Variants in USO1 observed in about 807,000 individuals in gnomAD.
USO1 encodes the protein general vesicular transport factor p115.
Under a neutral mutation model 124.5 loss-of-function variants are expected in USO1, and 57 were observed. That is an observed-to-expected ratio of 0.46 (90% CI 0.37 to 0.57). The LOEUF is 0.57. Ranked by LOEUF, USO1 falls within the 20% of genes least tolerant of loss-of-function variation. USO1 has a pLI of 0.00. For synonymous variants in USO1, 369 were observed against 362.8 expected (o/e 1.02, Z -0.19); for missense variants, 900 against 1,040.6 (o/e 0.86, Z 1.86).
At chr4:75,806,669 A>G in intron 20 of USO1, 97 bp downstream of exon 20, 1 of 1,426,200 alleles carries the variant, frequency 7.0e-7, no homozygotes. Context: ...ATATTAGCAG[A>G]TGTAAGTAAA....
chr4:75,773,638 G>A (rs184467766), intron 7 of USO1, among the ~76,000 whole-genome samples: 158 of 152,244 alleles, frequency 1.0e-3, no homozygotes, highest in African/African-American at 3.7e-3. Flanking sequence ...TTTCTCCACT[G>A]TATTTCTTCT....
intron 1 of USO1, among the ~76,000 whole-genome samples, chr4:75,725,404 A>G (rs1243710770): frequency 6.6e-6 from 1 of 152,216 alleles, no homozygotes; most frequent in African/African-American, 2.4e-5. Flanking sequence ...TCTTTGAAGG[A>G]CAAATCCACC....
Position 75,728,487 on chromosome 4 carries a change from T to TA in USO1, c.66+3607dup, listed in dbSNP as rs374742084. ...TTTTATGGTGAAACCCTGTCTCTAC[T>TA]AAAAATACAAAAATTAGCTGGGCAT... On this transcript the variant is annotated intron_variant, in intron 1 of 23. Coordinates refer to ENST00000514213, the MANE Select transcript of USO1 (RefSeq NM_003715.4). Among the ~76,000 whole-genome samples, 888 of 152,222 alleles carry TA rather than the reference T, an allele frequency of 5.8e-3. 14 individuals are homozygous for TA. Among genetic ancestry groups the TA allele is most frequent in the African/African-American group, 0.02 (842 of 41,538 alleles).
chr4:75,734,873 C>T (rs1221381007), intron 1 of USO1, among the ~76,000 whole-genome samples: 1 of 151,620 alleles, frequency 6.6e-6, no homozygotes, highest in Admixed American at 6.6e-5. Flanking sequence ...GGATTACAGG[C>T]ACCCACCACC....
chr4:75,810,597 A>G (rs1723119987), intron 22 of USO1, 58 bp downstream of exon 22: 3 of 1,483,532 alleles, frequency 2.0e-6, no homozygotes, highest in African/African-American at 1.4e-5. Context: ...ACTCTAGGAA[A>G]TTTTATATAT....
At chr4:75,804,072 T>G in intron 17 of USO1, 62 bp from the exon 18 acceptor site, 1 of 1,548,206 alleles carries the variant, frequency 6.5e-7, no homozygotes, top group Non-Finnish European at 8.7e-7. Flanking sequence ...TTAAAATGTG[T>G]TCACCTTCTT....
intron 22 of USO1, 116 bp from the exon 23 acceptor site, chr4:75,812,043 TA>T: frequency 6.8e-7 from 1 of 1,469,746 alleles, no homozygotes; most frequent in Non-Finnish European, 9.1e-7. Context: ...CCTCCACCCC[TA>T]AATTCCTTAG....
At chr4:75,744,658 G>C (rs1413553284) in intron 1 of USO1, among the ~76,000 whole-genome samples, 1 of 152,206 alleles carries the variant, frequency 6.6e-6, no homozygotes, top group East Asian at 1.9e-4. Context: ...GACCTCAGGT[G>C]ATCTGCCTGC....
intron 14 of USO1, 63 bp downstream of exon 14, chr4:75,799,795 A>G (rs896832391): frequency 1.1e-4 from 173 of 1,578,210 alleles, no homozygotes; most frequent in Non-Finnish European, 1.5e-4. Flanking sequence ...TTTTCTCCTC[A>G]ATTAGAAGTA....
At chr4:75,728,570 G>A (rs973468271) in intron 1 of USO1, among the ~76,000 whole-genome samples, 1 of 152,108 alleles carries the variant, frequency 6.6e-6, no homozygotes, top group East Asian at 1.9e-4. Flanking sequence ...GAATCGAGGC[G>A]GTGGTTGGCA....
chr4:75,727,062 T>C (rs944348313), intron 1 of USO1, among the ~76,000 whole-genome samples: 1 of 152,208 alleles, frequency 6.6e-6, no homozygotes, highest in African/African-American at 2.4e-5. Context: ...TTACTATGTG[T>C]GGGTTGAACG....
chr4:75,771,245 A>G (rs1237541639), intron 7 of USO1, 108 bp downstream of exon 7: 4 of 1,275,320 alleles, frequency 3.1e-6, no homozygotes, highest in Non-Finnish European at 4.2e-6. Context: ...AAGCTGGAGT[A>G]ATGACCTTTT....
At chr4:75,757,961 A>T (rs1721493624) in intron 4 of USO1, among the ~76,000 whole-genome samples, 1 of 152,152 alleles carries the variant, frequency 6.6e-6, no homozygotes, top group Non-Finnish European at 1.5e-5. Context: ...ATAAATACTT[A>T]AACTTTTTAC....
chr4:75,748,002 G>C (rs1242974460), intron 1 of USO1, among the ~76,000 whole-genome samples: 1 of 150,088 alleles, frequency 6.7e-6, no homozygotes, highest in African/African-American at 2.5e-5. Flanking sequence ...CCGCCTCCTG[G>C]GTTCAAGCAG....
intron 1 of USO1, among the ~76,000 whole-genome samples, chr4:75,736,624 T>A (rs1412808523): frequency 2.6e-5 from 4 of 152,284 alleles, no homozygotes; most frequent in African/African-American, 9.6e-5. Context: ...TTCATTGATG[T>A]GTTTGGAGAT....
At chr4:75,743,786 CT>C (rs903808028) in intron 1 of USO1, among the ~76,000 whole-genome samples, 3 of 151,684 alleles carry the variant, frequency 2.0e-5, no homozygotes, top group African/African-American at 7.3e-5. Context: ...CATACAAGCC[CT>C]TTTTTTTGAG....
At chr4:75,728,142 CAAATG>C (rs1720518220) in intron 1 of USO1, among the ~76,000 whole-genome samples, 1 of 151,952 alleles carries the variant, frequency 6.6e-6, no homozygotes, top group South Asian at 2.1e-4. Context: ...CTGAAGTTCT[CAAATG>C]AAGTTCATTG....
intron 17 of USO1, among the ~76,000 whole-genome samples, chr4:75,802,736 C>CTTTTTTTTTTTTTTTTTTTTTTTTTTTTT (rs997798305): frequency 4.7e-5 from 3 of 63,738 alleles, no homozygotes; most frequent in Non-Finnish European, 5.5e-5. Context: ...TTTTTCTTTT[C>CTTTTTTTTTTTTTTTTTTTTTTTTTTTTT]TTTTTTTTTT....
chr4:75,805,363 C>CTTT, intron 19 of USO1, 60 bp downstream of exon 19: 1 of 1,092,124 alleles, frequency 9.2e-7, no homozygotes, highest in Non-Finnish European at 1.2e-6. Context: ...ATTATCCTGC[C>CTTT]TTTTTTTTTT....
Sources: gnomAD v4.1 joint callset for allele counts (sites outside exome capture counted in the v4.1 genomes callset) on GRCh38, gnomAD v4.1.1 for gene constraint, MANE v1.5 for transcripts, NCBI Gene and HGNC (gene_info 2026-07-23, HGNC 2026-07-21) for gene names.